The following ERICH1 variants were observed in gnomAD, a reference collection of about 807,000 sequenced individuals.
ERICH1 encodes glutamate-rich protein 1.
In ERICH1, 56 loss-of-function variants were observed where a neutral mutation model predicts 39.6. The observed-to-expected ratio is 1.41, with a 90% CI of 1.14 to 1.77. The LOEUF (loss-of-function observed/expected upper bound fraction) is 1.77. ERICH1 is among the 40% of genes most tolerant of loss of function. The pLI is 0.00. For synonymous variants in ERICH1, 313 were observed against 223.6 expected, an observed-to-expected ratio of 1.40 and a Z score of -3.57; for missense variants, 826 against 575.4, an observed-to-expected ratio of 1.44 and a Z score of -4.45.
chr8:668,824 GT>G (rs1481541443), intron 4 of ERICH1, 32 bp from the exon 5 acceptor site: 1 of 1,552,642 alleles, frequency 6.4e-7, no homozygotes, highest in Admixed American at 2.0e-5. Flanking sequence ...TGGAAATACA[GT>G]TTTGTTTTTA....
chr8:620,885 G>C (rs1373891598), intron 3 of ERICH1, among the ~76,000 whole-genome samples: 1 of 152,118 alleles, frequency 6.6e-6, no homozygotes, highest in Non-Finnish European at 1.5e-5. Context: ...ATAGGCAGAA[G>C]ATCCACACAG....
intron 3 of ERICH1, among the ~76,000 whole-genome samples, chr8:684,675 T>C (rs1806893163): frequency 6.6e-6 from 1 of 152,176 alleles, no homozygotes; most frequent in Non-Finnish European, 1.5e-5. Context: ...ATAGGTTCTT[T>C]TCTATTTTCC....
chr8:687,638 G>A (rs1807750198), intron 3 of ERICH1, among the ~76,000 whole-genome samples: 1 of 151,776 alleles, frequency 6.6e-6, no homozygotes, highest in African/African-American at 2.4e-5. Context: ...GAGGAAGGCA[G>A]CGCGCGGGGA....
At chr8:708,956 A>C (rs760440965) in intron 2 of ERICH1, among the ~76,000 whole-genome samples, 11 of 151,800 alleles carry the variant, frequency 7.2e-5, no homozygotes, top group Admixed American at 2.0e-4. Flanking sequence ...CAGCCTCCCA[A>C]AGTGCTGTGA....
rs1252901859 is a variant in ERICH1 at position 673,837 on chromosome 8, T to C, written c.515A>G (p.Lys172Arg). The C allele has an allele frequency of 1.2e-6, 2 of 1,614,088 alleles. No individual in the cohort carries two copies. The highest frequency in any genetic ancestry group is 1.7e-5 in the Admixed American group (1 of 60,020). Residue 172 changes from lysine (K) to arginine (R), a missense_variant, in exon 4 of 6, where the codon AAA becomes AGA. Physicochemically the swap from Lys to Arg is conservative, Grantham distance 26. Transcript: ENST00000262109. The part of the protein sequence containing the change: ...KRKLKKKQQI[K>R]RKKAAGLAAK... ...TGCCAAGCCGGCTGCTTTCTTCCTTTTAATTTGCTGTTTCTTTTTCAGTTT... is the reference window on the plus strand; with the variant it reads ...TGCCAAGCCGGCTGCTTTCTTCCTTCTAATTTGCTGTTTCTTTTTCAGTTT...
At chr8:688,396 G>T in intron 3 of ERICH1, among the ~76,000 whole-genome samples, 1 of 132,536 alleles carries the variant, frequency 7.5e-6, no homozygotes, top group East Asian at 2.1e-4. Flanking sequence ...GGCTCCAGAG[G>T]CGCCCAGGCT....
chr8:715,754 T>G (rs1815794015), intron 2 of ERICH1, 107 bp downstream of exon 2: 2 of 1,469,670 alleles, frequency 1.4e-6, no homozygotes, highest in Non-Finnish European at 1.8e-6. Context: ...TCTGCAGACC[T>G]GCAGACAGAT....
At chr8:630,462 CCAGA>C (rs749215420) in intron 3 of ERICH1, among the ~76,000 whole-genome samples, 2,500 of 84,006 alleles carry the variant, frequency 0.03, 83 homozygotes, top group East Asian at 0.11. Context: ...CCGTGAGCAC[CCAGA>C]CAGACAGAGC....
chr8:660,880 C>T (rs1326237953), downstream of ERICH1, among the ~76,000 whole-genome samples: 1 of 152,114 alleles, frequency 6.6e-6, no homozygotes, highest in Non-Finnish European at 1.5e-5. Flanking sequence ...GGTTCTCGGG[C>T]AGGCTCCGGG....
rs1300864804 is a variant in ERICH1, at chr8:731,205, A to G, written c.-44T>C. 2.8e-6 allele frequency: 4 copies of G among 1,451,526 alleles called. No homozygotes were observed. Among genetic ancestry groups the G allele is most frequent in the Non-Finnish European group, 2.7e-6 (3 of 1,105,632 alleles). 89.9% of individuals were successfully genotyped at this position (1,451,526 alleles called of 1,614,324 possible). On this transcript the variant is annotated 5_prime_UTR_variant, in exon 1 of 6. Transcript: ENST00000262109. ...CCTCAGACCACGGCGCGCGGTCCTGAGCTGAGCGCCGTGCCTTCCGGGTTC... is the reference window on the plus strand; with the variant it reads ...CCTCAGACCACGGCGCGCGGTCCTGGGCTGAGCGCCGTGCCTTCCGGGTTC...
At chr8:679,777 C>T (rs1353897498) in intron 3 of ERICH1, among the ~76,000 whole-genome samples, 1 of 152,238 alleles carries the variant, frequency 6.6e-6, no homozygotes, top group Non-Finnish European at 1.5e-5. Flanking sequence ...ACTGGGGCTC[C>T]AGGCAGGGCA....
chr8:688,723 G>T (rs1003535772), intron 3 of ERICH1, among the ~76,000 whole-genome samples: 2 of 152,170 alleles, frequency 1.3e-5, no homozygotes, highest in Non-Finnish European at 2.9e-5. Context: ...ACAAACTGGA[G>T]GTCAAAGGAA....
At chr8:629,381 T>C (rs1251498075) in intron 3 of ERICH1, among the ~76,000 whole-genome samples, 1 of 143,322 alleles carries the variant, frequency 7.0e-6, no homozygotes, top group African/African-American at 2.7e-5. Flanking sequence ...ACTCACACTC[T>C]CCTGTGACCA....
chr8:660,857 T>C (rs907534259), downstream of ERICH1, among the ~76,000 whole-genome samples: 1 of 152,060 alleles, frequency 6.6e-6, no homozygotes, highest in African/African-American at 2.4e-5. Context: ...TATATGGGAC[T>C]GCTCTCCTGG....
At chr8:626,740 C>T (rs1337473960) in intron 3 of ERICH1, 1 of 190,292 alleles carries the variant, frequency 5.3e-6, no homozygotes, top group Admixed American at 5.1e-5. Flanking sequence ...CCATCCTCAT[C>T]CTGAGCCCCT....
At chr8:642,186 G>C (rs150104686) in intron 3 of ERICH1, among the ~76,000 whole-genome samples, 1 of 152,132 alleles carries the variant, frequency 6.6e-6, no homozygotes, top group African/African-American at 2.4e-5. Flanking sequence ...AGCACTTAAC[G>C]CGACTGGCCC....
At chr8:628,565 G>A (rs549547956) in intron 3 of ERICH1, among the ~76,000 whole-genome samples, 1 of 152,222 alleles carries the variant, frequency 6.6e-6, no homozygotes, top group Non-Finnish European at 1.5e-5. Flanking sequence ...GGACCCGAGA[G>A]GACTCCCTGG....
intron 3 of ERICH1, among the ~76,000 whole-genome samples, chr8:690,619 C>T (rs1418576549): frequency 6.6e-6 from 1 of 152,224 alleles, no homozygotes; most frequent in African/African-American, 2.4e-5. Flanking sequence ...ACCAGGTATG[C>T]CACCCCTGCC....
intron 3 of ERICH1, among the ~76,000 whole-genome samples, chr8:631,546 G>T (rs571841183): frequency 1.3e-5 from 2 of 152,142 alleles, no homozygotes; most frequent in Non-Finnish European, 2.9e-5. Context: ...TTGAGGCCTG[G>T]GTGTGTCCTG....
Sources: allele counts gnomAD v4.1 joint callset (sites outside exome capture counted in the v4.1 genomes callset), GRCh38; gene constraint gnomAD v4.1.1; transcripts MANE v1.5; gene names NCBI Gene and HGNC (gene_info 2026-07-23, HGNC 2026-07-21).